ARID5B: variants seen among roughly 807,000 people sequenced by gnomAD.
ARID5B encodes the protein AT-rich interactive domain-containing protein 5B.
In ARID5B, 13 loss-of-function variants were observed where a neutral mutation model predicts 97.2. That is an observed-to-expected ratio of 0.13 (90% CI 0.09 to 0.21). The LOEUF is 0.21. Among genes scored for constraint, ARID5B ranks in the 10% least tolerant of loss-of-function variants. ARID5B has a pLI of 1.00. For missense variants in ARID5B, 1,210 were observed against 1,465.3 expected (o/e 0.83, Z 2.84); for synonymous variants, 556 against 570.3 (o/e 0.97, Z 0.36).
intron 7 of ARID5B, among the ~76,000 whole-genome samples, chr10:62,065,142 G>A (rs938710154): frequency 6.6e-6 from 1 of 152,188 alleles, no homozygotes; most frequent in Non-Finnish European, 1.5e-5. Context: ...TAGGTGTGGA[G>A]TGCTTTTCAC....
intron 4 of ARID5B, among the ~76,000 whole-genome samples, chr10:62,034,132 C>T (rs560369955): frequency 5.7e-4 from 86 of 152,198 alleles, no homozygotes; most frequent in African/African-American, 1.6e-3. Flanking sequence ...GATAATCAGA[C>T]GTAATGTCAT....
intron 4 of ARID5B, among the ~76,000 whole-genome samples, chr10:62,007,244 G>A (rs1377907591): frequency 6.6e-6 from 1 of 152,132 alleles, no homozygotes; most frequent in African/African-American, 2.4e-5. Context: ...ATTATGTCCT[G>A]CCAGGGAACT....
At chr10:62,085,496 G>A (rs1040157091) in intron 8 of ARID5B, among the ~76,000 whole-genome samples, 1 of 152,224 alleles carries the variant, frequency 6.6e-6, no homozygotes, top group Non-Finnish European at 1.5e-5. Flanking sequence ...AGGTCTTGCT[G>A]AGAAGTATTA....
chr10:62,019,411 T>C (rs1839325942), intron 4 of ARID5B, among the ~76,000 whole-genome samples: 1 of 152,190 alleles, frequency 6.6e-6, no homozygotes, highest in Non-Finnish European at 1.5e-5. Context: ...GTGAAGAACA[T>C]GGCGTTTTTG....
At chr10:62,020,632 T>C (rs1180613810) in intron 4 of ARID5B, among the ~76,000 whole-genome samples, 1 of 152,222 alleles carries the variant, frequency 6.6e-6, no homozygotes, top group Non-Finnish European at 1.5e-5. Flanking sequence ...ACATGTATCC[T>C]GTCAGAGTTT....
At chr10:62,040,742 T>A (rs1015686792) in intron 4 of ARID5B, among the ~76,000 whole-genome samples, 2 of 152,194 alleles carry the variant, frequency 1.3e-5, no homozygotes, top group Non-Finnish European at 2.9e-5. Flanking sequence ...ATTAATGAGA[T>A]ATTTTACTTT....
chr10:62,068,039 TC>T (rs1189894185), intron 7 of ARID5B, among the ~76,000 whole-genome samples: 12 of 152,158 alleles, frequency 7.9e-5, no homozygotes, highest in Admixed American at 6.5e-4. Flanking sequence ...TATTCTAGGG[TC>T]TTTGAGGAAT....
intron 3 of ARID5B, 141 bp downstream of exon 3, chr10:61,940,549 A>T (rs1345903932): frequency 1.3e-6 from 1 of 749,358 alleles, no homozygotes; most frequent in Non-Finnish European, 2.1e-6. Context: ...AAGAATATGG[A>T]TGGAGAGATG....
chr10:62,090,321 C>T (rs544152860), intron 9 of ARID5B, among the ~76,000 whole-genome samples: 1 of 152,312 alleles, frequency 6.6e-6, no homozygotes, highest in South Asian at 2.1e-4. Context: ...ATTATTAACA[C>T]TTATGCATTG....
chr10:62,056,442 C>A (rs185582904), intron 5 of ARID5B, among the ~76,000 whole-genome samples: 11 of 152,234 alleles, frequency 7.2e-5, no homozygotes, highest in Admixed American at 2.0e-4. Flanking sequence ...CAGCAGAGGC[C>A]TTGCTGGTAT....
chr10:61,993,523 CTCTTT>C (rs1293625524), intron 3 of ARID5B, among the ~76,000 whole-genome samples: 1 of 152,104 alleles, frequency 6.6e-6, no homozygotes, highest in Admixed American at 6.5e-5. Context: ...AAATTATATT[CTCTTT>C]TTTTTTCTTC....
Position 62,096,044 on chromosome 10 carries a change from TA to T in ARID5B, c.*3019del. On this transcript the variant is annotated 3_prime_UTR_variant, in exon 10 of 10. Transcript: ENST00000279873. ...TTGGCAACTCCACATGATAAAAAAA[TA>T]AAAACAGCCCAACCGAGTTTCGGAA... is the stretch of plus-strand genomic sequence containing the variant. 4.3e-6 allele frequency: 1 copy of T among 233,222 alleles called. No individual in the cohort carries two copies. Among genetic ancestry groups the T allele is most frequent in the Non-Finnish European group, 8.5e-6 (1 of 117,938 alleles). 14.4% of individuals were successfully genotyped at this position (233,222 alleles called of 1,614,324 possible). A position where few individuals can be genotyped will look rare whatever the true frequency, so the allele number is the denominator to read the frequency against.
At chr10:61,915,939 A>G (rs1843895358) in intron 2 of ARID5B, among the ~76,000 whole-genome samples, 1 of 152,164 alleles carries the variant, frequency 6.6e-6, no homozygotes, top group Non-Finnish European at 1.5e-5. Context: ...TATTTCTAGT[A>G]GAGACTGGGT....
intron 4 of ARID5B, among the ~76,000 whole-genome samples, chr10:62,034,748 A>G (rs1244791112): frequency 3.9e-5 from 6 of 152,168 alleles, no homozygotes; most frequent in Admixed American, 2.0e-4. Context: ...TCAATCTCCT[A>G]TTTTATTGAT....
chr10:62,066,803 C>A (rs1378014335), intron 7 of ARID5B, among the ~76,000 whole-genome samples: 1 of 152,146 alleles, frequency 6.6e-6, no homozygotes, highest in African/African-American at 2.4e-5. Context: ...CAGTTTCACA[C>A]CCTAAATATC....
At chr10:62,060,561 T>C (rs935072037) in intron 7 of ARID5B, among the ~76,000 whole-genome samples, 1 of 152,206 alleles carries the variant, frequency 6.6e-6, no homozygotes, top group Non-Finnish European at 1.5e-5. Context: ...GTGGAGTCTT[T>C]TGATAGGATC....
chr10:62,041,466 T>C (rs1839636664), intron 4 of ARID5B, among the ~76,000 whole-genome samples: 1 of 152,232 alleles, frequency 6.6e-6, no homozygotes, highest in Non-Finnish European at 1.5e-5. Context: ...CATTATTCTT[T>C]CTGAAAGGTA....
At chr10:62,029,164 A>T (rs1007647751) in intron 4 of ARID5B, among the ~76,000 whole-genome samples, 4 of 152,138 alleles carry the variant, frequency 2.6e-5, no homozygotes, top group Non-Finnish European at 5.9e-5. Flanking sequence ...TTGCAGAGCC[A>T]CACTATTCTC....
intron 3 of ARID5B, among the ~76,000 whole-genome samples, chr10:61,968,886 C>A (rs1166598940): frequency 2.0e-5 from 3 of 152,288 alleles, no homozygotes; most frequent in Non-Finnish European, 4.4e-5. Context: ...TATTTATAGG[C>A]TCCATATGGT....
Sources: gnomAD v4.1 joint callset for allele counts (sites outside exome capture counted in the v4.1 genomes callset) on GRCh38, gnomAD v4.1.1 for gene constraint, MANE v1.5 for transcripts, NCBI Gene and HGNC (gene_info 2026-07-23, HGNC 2026-07-21) for gene names.